Variants in MGAT4C observed in about 807,000 individuals in gnomAD.
MGAT4C encodes MGAT4 family member C.
Under a neutral mutation model 40.1 loss-of-function variants are expected in MGAT4C, and 19 were observed. The observed-to-expected ratio is 0.47, with a 90% CI of 0.33 to 0.70. The LOEUF (loss-of-function observed/expected upper bound fraction) is 0.70. Ranked by LOEUF, MGAT4C falls within the 30% of genes least tolerant of loss-of-function variation. The pLI is 0.02. For synonymous variants in MGAT4C, 181 were observed against 187.1 expected, an observed-to-expected ratio of 0.97 and a Z score of 0.27; for missense variants, 491 against 563.2, an observed-to-expected ratio of 0.87 and a Z score of 1.30.
At chr12:86,563,879 G>A (rs1959975053) in intron 2 of MGAT4C, among the ~76,000 whole-genome samples, 1 of 152,152 alleles carries the variant, frequency 6.6e-6, no homozygotes, top group African/African-American at 2.4e-5. Flanking sequence ...CATTTCCCCA[G>A]TGCCAGAATG....
intron 1 of MGAT4C, among the ~76,000 whole-genome samples, chr12:86,191,298 T>C (rs76278096): frequency 0.048 from 7,275 of 152,104 alleles, 577 homozygotes; most frequent in African/African-American, 0.17. Context: ...CCAATGGCTC[T>C]ATTTCTAGTA....
Position 85,960,429 on chromosome 12 carries a change from T to C in MGAT4C, c.*18860A>G, listed in dbSNP as rs1883050839. On this transcript the variant is annotated 3_prime_UTR_variant, in exon 5 of 5. Transcript: ENST00000611864. ...GGTAGAATAAGGATAACAATACTTA[T>C]CACACAGATTTGTGGTCTGAATCAC... 1 of 152,044 alleles carries C rather than the reference T, an allele frequency of 6.6e-6. No individual in the cohort carries two copies. 9.4% of individuals were successfully genotyped at this position (152,044 alleles called of 1,614,324 possible).
chr12:86,292,962 G>T (rs1953563111), intron 4 of MGAT4C, among the ~76,000 whole-genome samples: 1 of 151,670 alleles, frequency 6.6e-6, no homozygotes, highest in Non-Finnish European at 1.5e-5. Context: ...TATGTAATTT[G>T]ACATAATTGA....
intron 1 of MGAT4C, among the ~76,000 whole-genome samples, chr12:86,118,569 A>G (rs1400732471): frequency 1.3e-5 from 2 of 152,206 alleles, no homozygotes; most frequent in Non-Finnish European, 2.9e-5. Flanking sequence ...GAGGATGGCC[A>G]ATACCAGGGG....
chr12:86,017,394 T>C (rs2136847346), intron 2 of MGAT4C, among the ~76,000 whole-genome samples: 1 of 152,248 alleles, frequency 6.6e-6, no homozygotes, highest in East Asian at 1.9e-4. Context: ...AAAATGCAAA[T>C]GAGCACATCA....
At chr12:86,831,127 C>T (rs1349475901) in intron 1 of MGAT4C, among the ~76,000 whole-genome samples, 1 of 151,558 alleles carries the variant, frequency 6.6e-6, no homozygotes, top group African/African-American at 2.4e-5. Flanking sequence ...TACCTTTTTT[C>T]AATAATTTGC....
chr12:86,693,265 T>C (rs1310526661), intron 2 of MGAT4C, among the ~76,000 whole-genome samples: 2 of 152,222 alleles, frequency 1.3e-5, no homozygotes, highest in African/African-American at 2.4e-5. Context: ...TATTATGTCA[T>C]GTATACACTG....
intron 1 of MGAT4C, among the ~76,000 whole-genome samples, chr12:86,229,246 A>T (rs1463536910): frequency 6.6e-6 from 1 of 151,914 alleles, no homozygotes; most frequent in Non-Finnish European, 1.5e-5. Context: ...GAAATGCTTA[A>T]TGTCTTAAAA....
intron 2 of MGAT4C, among the ~76,000 whole-genome samples, chr12:86,590,984 T>G (rs1961307064): frequency 6.6e-6 from 1 of 152,002 alleles, no homozygotes; most frequent in South Asian, 2.1e-4. Context: ...TGGTGCATAT[T>G]TTAACTTTAT....
intron 2 of MGAT4C, among the ~76,000 whole-genome samples, chr12:86,007,995 T>A (rs1888069319): frequency 6.6e-6 from 1 of 151,208 alleles, no homozygotes; most frequent in African/African-American, 2.4e-5. Flanking sequence ...TGGTTATATG[T>A]TTGAAATCTC....
At chr12:86,528,706 AC>A (rs1958926957) in intron 2 of MGAT4C, among the ~76,000 whole-genome samples, 1 of 152,050 alleles carries the variant, frequency 6.6e-6, no homozygotes, top group South Asian at 2.1e-4. Flanking sequence ...TAAGTCCTTC[AC>A]TTTTTTGTAA....
intron 2 of MGAT4C, among the ~76,000 whole-genome samples, chr12:86,625,243 A>G (rs1226426344): frequency 2.0e-5 from 3 of 152,088 alleles, no homozygotes; most frequent in Non-Finnish European, 4.4e-5. Context: ...TTCCTGAAGC[A>G]TCCCTAGCCG....
At position 86,605,366 on chromosome 12, in the gene MGAT4C, C is replaced by A. The variant is rs574008344; in HGVS notation, c.-229+121843G>T. 3.9e-5 allele frequency among the ~76,000 whole-genome samples: 6 copies of A among 151,980 alleles called. No individual in the cohort carries two copies. The South Asian group carries it at 1.2e-3, about 32-fold the overall frequency. ...GAATTATGATCATTGTTCTTTCACC[C>A]GTTTACTGAGTAGATTTTTCGATGA... is the stretch of plus-strand genomic sequence containing the variant. On this transcript the variant is annotated intron_variant, in intron 2 of 7. Transcript: ENST00000548651.
intron 1 of MGAT4C, among the ~76,000 whole-genome samples, chr12:86,076,485 A>G (rs184365760): frequency 2.0e-4 from 30 of 152,276 alleles, no homozygotes; most frequent in African/African-American, 7.0e-4. Context: ...CACTCTTGGT[A>G]GTACCAATTT....
intron 2 of MGAT4C, among the ~76,000 whole-genome samples, chr12:86,602,830 G>A (rs187914803): frequency 6.6e-6 from 1 of 151,788 alleles, no homozygotes; most frequent in Admixed American, 6.6e-5. Context: ...CAACAATCTC[G>A]CCATCTGTAT....
At chr12:86,195,314 A>G (rs1949761459) in intron 1 of MGAT4C, among the ~76,000 whole-genome samples, 1 of 152,162 alleles carries the variant, frequency 6.6e-6, no homozygotes. Flanking sequence ...TAAAGTTTTT[A>G]TAATTGTTCT....
intron 1 of MGAT4C, among the ~76,000 whole-genome samples, chr12:86,240,360 G>A (rs944801493): frequency 2.0e-5 from 3 of 151,782 alleles, no homozygotes; most frequent in Non-Finnish European, 4.4e-5. Context: ...ATAATTTAAT[G>A]TAAATTAATG....
At chr12:86,632,363 C>G (rs932242862) in intron 2 of MGAT4C, among the ~76,000 whole-genome samples, 7 of 152,062 alleles carry the variant, frequency 4.6e-5, no homozygotes, top group African/African-American at 9.7e-5. Flanking sequence ...CCTCAAGGAT[C>G]GAGAACTAGA....
chr12:86,349,090 T>A (rs2136190403), intron 3 of MGAT4C, among the ~76,000 whole-genome samples: 1 of 152,292 alleles, frequency 6.6e-6, no homozygotes, highest in African/African-American at 2.4e-5. Flanking sequence ...TTCTTATTGC[T>A]TGGGTTTATT....
Sources: allele counts gnomAD v4.1 joint callset (sites outside exome capture counted in the v4.1 genomes callset), GRCh38; gene constraint gnomAD v4.1.1; transcripts MANE v1.5; gene names NCBI Gene and HGNC (gene_info 2026-07-23, HGNC 2026-07-21).